The following DGCR8 variants were observed in gnomAD, a reference collection of about 807,000 sequenced individuals.
The protein encoded by DGCR8 is microprocessor complex subunit DGCR8.
Under a neutral mutation model 78.5 loss-of-function variants are expected in DGCR8, and 14 were observed. The observed-to-expected ratio is 0.18, with a 90% CI of 0.12 to 0.28. The LOEUF is 0.28. Among genes scored for constraint, DGCR8 ranks in the 10% least tolerant of loss-of-function variants. The pLI is 1.00. For missense variants in DGCR8, 702 were observed against 1,022.5 expected (o/e 0.69, Z 4.28); for synonymous variants, 399 against 402.4 (o/e 0.99, Z 0.10).
At chr22:20,108,800 T>TGCCA in intron 12 of DGCR8, 90 bp from the exon 13 acceptor site, 1 of 852,852 alleles carries the variant, frequency 1.2e-6, no homozygotes. Context: ...CGCGCCTGCC[T>TGCCA]TCAGGGTCCC....
rs1439215208 is a variant in DGCR8, at chr22:20,089,936, G to A, written c.1024-40G>A. On this transcript the variant is annotated intron_variant, in intron 4 of 13. Transcript: ENST00000351989. This position sits in a 1 kb window ranked among gnomAD's most constrained non-coding sequence, Gnocchi z 4.9. ...AGGCATCAGAGTTTCAGACTCTCGGGTTGTCCTTGTAATCCATATTGCAAT... is the reference window on the plus strand; with the variant it reads ...AGGCATCAGAGTTTCAGACTCTCGGATTGTCCTTGTAATCCATATTGCAAT... 7 of 1,590,018 alleles carry A rather than the reference G, an allele frequency of 4.4e-6. No homozygotes were observed. The highest frequency in any genetic ancestry group is 2.2e-5 in the East Asian group (1 of 44,648).
intron 9 of DGCR8, among the ~76,000 whole-genome samples, chr22:20,097,405 T>C (rs2049641284): frequency 6.6e-6 from 1 of 152,262 alleles, no homozygotes; most frequent in Admixed American, 6.5e-5. Flanking sequence ...GTTGATAGTT[T>C]GTGTCTTTTT....
At position 20,106,285 on chromosome 22, in the gene DGCR8, A is replaced by C. The variant is rs1055240590; in HGVS notation, c.1889+8A>C. 6 of 1,609,550 alleles carry C rather than the reference A, an allele frequency of 3.7e-6. No homozygotes were observed. In the African/African-American group the frequency reaches 8.0e-5, roughly 22 times the overall value. On this transcript the variant is annotated splice_region_variant and intron_variant, in intron 10 of 13. Coordinates refer to ENST00000351989, the MANE Select transcript of DGCR8 (RefSeq NM_022720.7). ...CCACGAGTGCCTTAAAAGGTAGGGT[A>C]GGGGGGTGCCTCCCCCCATGAGTCA...
In DGCR8 at chr22:20,086,327, G is replaced by A. The variant is rs369938408; in HGVS notation, c.364G>A (p.Val122Met). The A allele has an allele frequency of 1.4e-5, 22 of 1,614,116 alleles. No individual in the cohort carries two copies. The highest frequency in any genetic ancestry group is 1.1e-5 in the South Asian group (1 of 91,074). ...LKLLKDVKISVSFTESCRSKD... is the reference protein window; with the variant it reads ...LKLLKDVKISMSFTESCRSKD... The stretch of plus-strand genomic sequence containing the variant: ...GTTGCTTAAGGATGTAAAGATTAGC[G>A]TGAGCTTTACCGAGAGCTGCAGGAG... Residue 122 changes from valine (V) to methionine (M), a missense_variant, in exon 2 of 14, where the codon GTG (valine) becomes ATG (methionine). Val to Met is a conservative substitution (Grantham distance 21). Transcript: ENST00000351989. This position sits in a 1 kb window ranked among gnomAD's most constrained non-coding sequence, Gnocchi z 6.4.
Position 20,110,894 on chromosome 22 carries a change from A to C in DGCR8, c.*786A>C. 3.3e-6 allele frequency: 1 copy of C among 299,238 alleles called. No homozygotes were observed. 18.5% of individuals were successfully genotyped at this position (299,238 alleles called of 1,614,324 possible). On this transcript the variant is annotated 3_prime_UTR_variant, in exon 14 of 14. Coordinates refer to ENST00000351989, the MANE Select transcript of DGCR8 (RefSeq NM_022720.7). ...TCTCTGCCTTTCCTGGCCTCCGGCA[A>C]CAGTTTTTTACAAAGATTTTTTGCA... is the stretch of plus-strand genomic sequence containing the variant.
In DGCR8 at chr22:20,087,616, G is replaced by A. The variant is rs1052095468; in HGVS notation, c.880+295G>A. On this transcript the variant is annotated intron_variant, in intron 3 of 13. Transcript: ENST00000351989. The surrounding 1 kb of genome is among the most constrained non-coding windows in gnomAD (Gnocchi z 4.1). ...AGGAGGGGATGTTGGTATATGCCAG[G>A]AGCCAGCATGACCATCAGCTGGAGG... 1.3e-5 allele frequency among the ~76,000 whole-genome samples: 2 copies of A among 152,190 alleles called. No homozygotes were observed. Among genetic ancestry groups the A allele is most frequent in the African/African-American group, 4.8e-5 (2 of 41,432 alleles).
rs2049845825 is a variant in DGCR8 at position 20,111,556 on chromosome 22, CTG to C, written c.*1451_*1452del. The C allele has an allele frequency of 2.5e-6, 1 of 397,690 alleles. No homozygotes were observed. Among genetic ancestry groups the C allele is most frequent in the Non-Finnish European group, 4.4e-6 (1 of 225,970 alleles). 24.6% of individuals were successfully genotyped at this position (397,690 alleles called of 1,614,324 possible). A position where few individuals can be genotyped will look rare whatever the true frequency, so the allele number is the denominator to read the frequency against. On this transcript the variant is annotated 3_prime_UTR_variant, in exon 14 of 14. Transcript: ENST00000351989. ...TCTGCAGCTGTGAATAGTCATTTGACTGTGACTGTTGCCCTTAGCCAGCCAGA... is the reference window on the plus strand; with the variant it reads ...TCTGCAGCTGTGAATAGTCATTTGACTGACTGTTGCCCTTAGCCAGCCAGA...
At chr22:20,092,724 C>T in intron 7 of DGCR8, 85 bp from the exon 8 acceptor site, 1 of 1,210,240 alleles carries the variant, frequency 8.3e-7, no homozygotes, top group Non-Finnish European at 1.2e-6. Context: ...CCTGACTGCG[C>T]CTTGTCTGTC....
intron 8 of DGCR8, 31 bp from the exon 9 acceptor site, chr22:20,094,682 A>T (rs1309867417): frequency 1.2e-6 from 2 of 1,601,234 alleles, no homozygotes; most frequent in Admixed American, 3.3e-5. Flanking sequence ...GCAGTGCCCA[A>T]GCCTCACCCT....
intron 8 of DGCR8, 126 bp from the exon 9 acceptor site, chr22:20,094,587 C>A: frequency 2.5e-6 from 2 of 813,658 alleles, no homozygotes; most frequent in Non-Finnish European, 4.1e-6. Flanking sequence ...AGTGCTGTCT[C>A]TCCTCAGGGC....
rs751900418 is a variant in DGCR8 at position 20,094,699 on chromosome 22, C to CT, written c.1706-6dup. ...AGTGCCCAAGCCTCACCCTCGGGCTCTTTTTTTTCATAGCCCGAGCTACAC... is the reference window on the plus strand; with the variant it reads ...AGTGCCCAAGCCTCACCCTCGGGCTCTTTTTTTTTCATAGCCCGAGCTACAC... On this transcript the variant is annotated splice_polypyrimidine_tract_variant and intron_variant, in intron 8 of 13. Coordinates refer to ENST00000351989, the MANE Select transcript of DGCR8 (RefSeq NM_022720.7). The CT allele has an allele frequency of 5.0e-6, 8 of 1,611,764 alleles. No individual in the cohort carries two copies. Among genetic ancestry groups the CT allele is most frequent in the South Asian group, 1.1e-5 (1 of 91,006 alleles).
intron 9 of DGCR8, among the ~76,000 whole-genome samples, chr22:20,099,687 T>C (rs117831735): frequency 1.3e-5 from 2 of 152,352 alleles, no homozygotes; most frequent in East Asian, 3.9e-4. Context: ...TTTTTGCTAG[T>C]GTTCTTGTTG....
chr22:20,100,147 A>G (rs747581480), intron 9 of DGCR8: 101 of 157,928 alleles, frequency 6.4e-4, no homozygotes, highest in Non-Finnish European at 1.2e-3. Context: ...GCTTACTGCA[A>G]CCTCCGCCTC....
intron 7 of DGCR8, among the ~76,000 whole-genome samples, chr22:20,092,427 C>T (rs1283469555): frequency 1.3e-5 from 2 of 152,214 alleles, no homozygotes; most frequent in African/African-American, 2.4e-5. Flanking sequence ...AAGCTGGAGC[C>T]TGGGGGTCAC....
At chr22:20,106,985 C>T (rs1353427341) in intron 11 of DGCR8, 1 of 576,160 alleles carries the variant, frequency 1.7e-6, no homozygotes, top group Non-Finnish European at 3.1e-6. Context: ...TCCTGCTGCT[C>T]CCTGTTTCTG....
At chr22:20,090,300 C>G in intron 5 of DGCR8, 42 bp downstream of exon 5, 1 of 1,541,892 alleles carries the variant, frequency 6.5e-7, no homozygotes, top group Non-Finnish European at 8.7e-7. Flanking sequence ...CTCCTGGGAC[C>G]CATGAGCTTT....
intron 11 of DGCR8, 152 bp downstream of exon 11, chr22:20,106,850 A>C (rs2049776320): frequency 3.2e-6 from 2 of 631,094 alleles, no homozygotes; most frequent in Admixed American, 2.6e-5. Flanking sequence ...CCTAAGGCGG[A>C]CTGGCAGCCG....
chr22:20,107,478 G>C, intron 12 of DGCR8, 80 bp downstream of exon 12: 2 of 1,537,770 alleles, frequency 1.3e-6, no homozygotes, highest in South Asian at 2.3e-5. Context: ...GCTCAGAGGG[G>C]GCAGAGCTGG....
rs750589027 is a variant in DGCR8 at position 20,111,586 on chromosome 22, C to T, written c.*1478C>T. ...ACTGTTGCCCTTAGCCAGCCAGATG[C>T]GCCTGTGAACCAAAGCTTCGTGCAC... On this transcript the variant is annotated 3_prime_UTR_variant, in exon 14 of 14. Transcript: ENST00000351989. The T allele has an allele frequency of 8.1e-5, 32 of 395,160 alleles. No individual in the cohort carries two copies. The highest frequency in any genetic ancestry group is 2.9e-4 in the South Asian group (2 of 6,984). 24.5% of individuals were successfully genotyped at this position (395,160 alleles called of 1,614,324 possible). A position where few individuals can be genotyped will look rare whatever the true frequency, so the allele number is the denominator to read the frequency against.
Sources: gnomAD v4.1 joint callset for allele counts (sites outside exome capture counted in the v4.1 genomes callset) on GRCh38, gnomAD v4.1.1 for gene constraint, Gnocchi (gnomAD v3.1) non-coding constraint, MANE v1.5 for transcripts, NCBI Gene and HGNC (gene_info 2026-07-23, HGNC 2026-07-21) for gene names.